GABRD: variants seen among roughly 807,000 people sequenced by gnomAD.
The protein encoded by GABRD is gamma-aminobutyric acid type A receptor subunit delta.
A neutral mutation model predicts 47.3 loss-of-function variants in GABRD; 25 were observed. The ratio of observed to expected loss-of-function variants is 0.53; its 90% CI spans 0.39 to 0.74. GABRD has a LOEUF of 0.74. Among genes scored for constraint, GABRD ranks in the 30% least tolerant of loss-of-function variants. The probability of loss-of-function intolerance (pLI) is 0.00; values close to 1 mark genes in which losing one functional copy is unlikely to be tolerated. For synonymous variants in GABRD, 314 were observed against 278.8 expected (o/e 1.13, Z -1.26); for missense variants, 497 against 643.4 (o/e 0.77, Z 2.46).
chr1:2,021,034 C>T (rs948568525), intron 1 of GABRD, among the ~76,000 whole-genome samples: 5 of 152,202 alleles, frequency 3.3e-5, no homozygotes, highest in Non-Finnish European at 7.3e-5. Flanking sequence ...GATTCTGTGC[C>T]TGTTTCCTTG....
chr1:2,020,178 C>T lies in GABRD; in HGVS notation c.68+687C>T, dbSNP rs374632775. ...AGGCTGAGAAGGAGGCCCCCCGGGG[C>T]TGGAGCCCCCTCTGGCCTACAGTGC... On this transcript the variant is annotated intron_variant, in intron 1 of 8. Transcript: ENST00000378585. Among the ~76,000 whole-genome samples, 51 of 152,350 alleles carry T rather than the reference C, an allele frequency of 3.3e-4. No homozygotes were observed. The South Asian group carries it at 0.01, about 30-fold the overall frequency.
At chr1:2,022,851 C>G (rs1428041614) in intron 1 of GABRD, among the ~76,000 whole-genome samples, 1 of 152,236 alleles carries the variant, frequency 6.6e-6, no homozygotes, top group Non-Finnish European at 1.5e-5. Flanking sequence ...TGGGCCACCA[C>G]AGTCGTCCAG....
chr1:2,025,865 G>GC, intron 4 of GABRD, 127 bp downstream of exon 4: 1 of 745,592 alleles, frequency 1.3e-6, no homozygotes, highest in East Asian at 2.7e-5. Flanking sequence ...GCGGGCGGAG[G>GC]GGGGGGCAGA....
At chr1:2,027,700 T>C in intron 5 of GABRD, 41 bp downstream of exon 5, 1 of 1,550,600 alleles carries the variant, frequency 6.4e-7, no homozygotes, top group Admixed American at 1.7e-5. Flanking sequence ...TCTCCAGCAG[T>C]GGATGGGGGC....
In GABRD at chr1:2,019,379, C is replaced by A; in HGVS notation, c.-45C>A. 9.8e-7 allele frequency: 1 copy of A among 1,015,462 alleles called. No homozygotes were observed. The highest frequency in any genetic ancestry group is 4.0e-5 in the South Asian group (1 of 25,060). 62.9% of individuals were successfully genotyped at this position (1,015,462 alleles called of 1,614,324 possible). ...CCGCCTGTGCCGCCTGTGCGGCCGC[C>A]GGGAGCCAAGTTTGCGCGGACCCCG... On this transcript the variant is annotated 5_prime_UTR_variant, in exon 1 of 9. Transcript: ENST00000378585.
intron 8 of GABRD, 91 bp downstream of exon 8, chr1:2,029,853 TGCTCCCTGAGCGTGG>T: frequency 6.6e-7 from 1 of 1,510,734 alleles, no homozygotes; most frequent in Middle Eastern, 1.9e-4. Flanking sequence ...GTCCCAGCTG[TGCTCCCTGAGCGTGG>T]GGGGCTGGAG....
At position 2,028,093 on chromosome 1, in the gene GABRD, T is replaced by C; in HGVS notation, c.554-62T>C. On this transcript the variant is annotated intron_variant, in intron 5 of 8. Coordinates refer to ENST00000378585, the MANE Select transcript of GABRD (RefSeq NM_000815.5). This position sits in a 1 kb window ranked among gnomAD's most constrained non-coding sequence, Gnocchi z 6.4. ...CAGGCTTCCTGTGTGGACGGAGCGC[T>C]CCTGCCAGGGCTCCCGGGGCAGGGC... 6.4e-7 allele frequency: 1 copy of C among 1,567,240 alleles called. No homozygotes were observed. Among genetic ancestry groups the C allele is most frequent in the African/African-American group, 1.4e-5 (1 of 74,026 alleles).
At chr1:2,020,393 C>T (rs185006575) in intron 1 of GABRD, among the ~76,000 whole-genome samples, 61 of 152,372 alleles carry the variant, frequency 4.0e-4, no homozygotes, top group African/African-American at 1.4e-3. Flanking sequence ...CATTCAGGAT[C>T]TCAGAGACCG....
In GABRD at chr1:2,029,672, C is replaced by T. The variant is rs146381127; in HGVS notation, c.969C>T (p.Ala323=). Residue 323 remains alanine, a synonymous_variant, in exon 8 of 9, where the codon GCC becomes GCT. Coordinates refer to ENST00000378585, the MANE Select transcript of GABRD (RefSeq NM_000815.5). Reference sequence around the variant, plus strand: ...GGATCTGCTATGTCTTCGTGTTTGCCGCCCTGGTGGAGTACGCCTTTGCTC... The same window carrying T: ...GGATCTGCTATGTCTTCGTGTTTGCTGCCCTGGTGGAGTACGCCTTTGCTC... ...YFWICYVFVF[A]ALVEYAFAHF... is the part of the protein sequence containing the mutation. 122 of 1,613,546 alleles carry T rather than the reference C, an allele frequency of 7.6e-5. 1 individual carries two copies. The highest frequency in any genetic ancestry group is 6.0e-4 in the African/African-American group (45 of 75,052).
Position 2,025,375 on chromosome 1 carries a change from A to G in GABRD, c.223A>G (p.Ile75Val). 6.2e-7 allele frequency: 1 copy of G among 1,613,032 alleles called. No homozygotes were observed. The highest frequency in any genetic ancestry group is 8.5e-7 in the Non-Finnish European group (1 of 1,179,978). ...NVALALEVAS[I>V]DHISEANMEY... ...GGCCCTTGCCCTGGAGGTGGCCAGC[A>G]TCGACCACATCTCAGAGGCCAACAT... Residue 75 changes from isoleucine (I) to valine (V), a missense_variant, in exon 3 of 9, where the codon ATC (isoleucine) becomes GTC (valine). This residue lies in a region of GABRD where 285 missense variants were observed against 436.6 expected (regional missense o/e 0.65). Transcript: ENST00000378585.
At chr1:2,020,228 T>C (rs1658737482) in intron 1 of GABRD, among the ~76,000 whole-genome samples, 1 of 152,226 alleles carries the variant, frequency 6.6e-6, no homozygotes, top group Non-Finnish European at 1.5e-5. Context: ...TCTGGGGATC[T>C]GAAATGGGCT....
Position 2,025,421 on chromosome 1 carries a change from G to A in GABRD, c.249+20G>A, listed in dbSNP as rs1238198137. 1.2e-6 allele frequency: 2 copies of A among 1,612,892 alleles called. No homozygotes were observed. The highest frequency in any genetic ancestry group is 1.7e-6 in the Non-Finnish European group (2 of 1,179,938). ...AACATGGTAGGTGCCACCAGCCTCT[G>A]CCTCAGGCACGGTGGGTGCCCACAG... On this transcript the variant is annotated intron_variant, in intron 3 of 8. Coordinates refer to ENST00000378585, the MANE Select transcript of GABRD (RefSeq NM_000815.5).
rs148300882 is a variant in GABRD, at chr1:2,030,030, C to G, written c.1107C>G (p.Gly369=). The change falls in exon 9 of 9, where the codon GGC becomes GGG. Residue 369 remains glycine (G), a synonymous_variant. Coordinates refer to ENST00000378585, the MANE Select transcript of GABRD (RefSeq NM_000815.5). The part of the protein sequence containing the change: ...AIVLFSLSAA[G]VTQELAISRR... ...TCCTCTTCTCCCTCTCTGCTGCCGG[C>G]GTCACGCAGGAGCTGGCCATCTCCC... 6.2e-7 allele frequency: 1 copy of G among 1,612,632 alleles called. No individual in the cohort carries two copies. Among genetic ancestry groups the G allele is most frequent in the Admixed American group, 1.7e-5 (1 of 59,978 alleles).
chr1:2,027,977 G>A (rs765407309), intron 5 of GABRD, 178 bp from the exon 6 acceptor site: 15 of 678,964 alleles, frequency 2.2e-5, no homozygotes, highest in East Asian at 8.2e-5. Context: ...CCACCTGCCC[G>A]GAGGAGCCCG....
In GABRD at chr1:2,029,675, C is replaced by G. The variant is rs368765147; in HGVS notation, c.972C>G (p.Ala324=). The change falls in exon 8 of 9, where the codon GCC becomes GCG. Residue 324 remains alanine, a synonymous_variant. Coordinates refer to ENST00000378585, the MANE Select transcript of GABRD (RefSeq NM_000815.5). The part of the protein sequence containing the change: ...FWICYVFVFA[A]LVEYAFAHFN... ...TCTGCTATGTCTTCGTGTTTGCCGC[C>G]CTGGTGGAGTACGCCTTTGCTCATT... 1,341 of 1,613,598 alleles carry G rather than the reference C, an allele frequency of 8.3e-4. 24 individuals carry two copies. In the South Asian group the frequency reaches 0.014, roughly 17 times the overall value.
rs1209268357 is a variant in GABRD at position 2,030,586 on chromosome 1, A to G, written c.*304A>G. ...GCCCTTCAGGGAGCCGCGGATTTTT[A>G]TGTTCAGAAAGTGATCCTGGTTTCT... On this transcript the variant is annotated 3_prime_UTR_variant, in exon 9 of 9. Transcript: ENST00000378585. 20 of 300,118 alleles carry G rather than the reference A, an allele frequency of 6.7e-5. No homozygotes were observed. The East Asian group carries it at 1.0e-3, about 16-fold the overall frequency. The allele number at this position is 300,118 out of a possible 1,614,324, so 18.6% of individuals were successfully genotyped here.
At chr1:2,024,234 G>A (rs1180734989) in intron 1 of GABRD, 1 of 152,590 alleles carries the variant, frequency 6.6e-6, no homozygotes, top group Non-Finnish European at 1.5e-5. Flanking sequence ...GGGGGGTGCT[G>A]GGGTGCTCTG....
chr1:2,028,074 T>G lies in GABRD; in HGVS notation c.554-81T>G. 6.7e-7 allele frequency: 1 copy of G among 1,496,438 alleles called. No homozygotes were observed. The allele number at this position is 1,496,438 out of a possible 1,614,324, so 92.7% of individuals were successfully genotyped here. On this transcript the variant is annotated intron_variant, in intron 5 of 8. Coordinates refer to ENST00000378585, the MANE Select transcript of GABRD (RefSeq NM_000815.5). This position sits in a 1 kb window ranked among gnomAD's most constrained non-coding sequence, Gnocchi z 6.4. The stretch of plus-strand genomic sequence containing the variant: ...CGATGGCGTCGGCCCCCTGCAGGCT[T>G]CCTGTGTGGACGGAGCGCTCCTGCC...
chr1:2,028,015 C>T lies in GABRD; in HGVS notation c.554-140C>T, dbSNP rs1053228218. 17 of 956,580 alleles carry T rather than the reference C, an allele frequency of 1.8e-5. No homozygotes were observed. Among genetic ancestry groups the T allele is most frequent in the East Asian group, 2.6e-5 (1 of 37,906 alleles). The allele number at this position is 956,580 out of a possible 1,614,324, so 59.3% of individuals were successfully genotyped here. A position where few individuals can be genotyped will look rare whatever the true frequency, so the allele number is the denominator to read the frequency against. On this transcript the variant is annotated intron_variant, in intron 5 of 8. Transcript: ENST00000378585. This position sits in a 1 kb window ranked among gnomAD's most constrained non-coding sequence, Gnocchi z 6.4. Reference sequence around the variant, plus strand: ...GTGGTCCCAGAGCCGAAGGTCTCCTCGCTCCTGGCTGGGGTCCTGCTCGGT... The same window carrying T: ...GTGGTCCCAGAGCCGAAGGTCTCCTTGCTCCTGGCTGGGGTCCTGCTCGGT...
Sources: allele counts gnomAD v4.1 joint callset (sites outside exome capture counted in the v4.1 genomes callset), GRCh38; gene constraint gnomAD v4.1.1; regional missense constraint gnomAD v4.1.1; non-coding constraint Gnocchi (gnomAD v3.1); transcripts MANE v1.5; gene names NCBI Gene and HGNC (gene_info 2026-07-23, HGNC 2026-07-21).